Variants in PRKCB observed in about 807,000 individuals in gnomAD.
The protein encoded by PRKCB is protein kinase C beta.
In PRKCB, 13 loss-of-function variants were observed where a neutral mutation model predicts 81.5. That is an observed-to-expected ratio of 0.16 (90% CI 0.10 to 0.25). The LOEUF (loss-of-function observed/expected upper bound fraction) is 0.25, where lower values mean the gene tolerates loss of function less well. Among genes scored for constraint, PRKCB ranks in the 10% least tolerant of loss-of-function variants. The pLI, the probability that PRKCB is intolerant of heterozygous loss-of-function variation, is 1.00. For missense variants in PRKCB, 509 were observed against 875.7 expected (o/e 0.58, Z 5.29); for synonymous variants, 335 against 321.4 (o/e 1.04, Z -0.45).
chr16:23,888,839 T>C (rs566239840), intron 2 of PRKCB, among the ~76,000 whole-genome samples: 1 of 152,102 alleles, frequency 6.6e-6, no homozygotes, highest in African/African-American at 2.4e-5. Context: ...CAAGCACACA[T>C]TATGTCTTAT....
At chr16:23,982,283 C>T (rs1596497781) in intron 2 of PRKCB, among the ~76,000 whole-genome samples, 2 of 87,268 alleles carry the variant, frequency 2.3e-5, no homozygotes, top group African/African-American at 9.2e-5. Flanking sequence ...TTTCCCTTCT[C>T]CTTCCCTTCC....
At chr16:24,185,355 G>T in intron 14 of PRKCB, 105 bp from the exon 15 acceptor site, 1 of 1,235,030 alleles carries the variant, frequency 8.1e-7, no homozygotes, top group Non-Finnish European at 1.2e-6. Flanking sequence ...GCCTGGGTGT[G>T]TGGCTTCACT....
At chr16:23,971,667 G>A (rs961340540) in intron 2 of PRKCB, among the ~76,000 whole-genome samples, 3 of 152,062 alleles carry the variant, frequency 2.0e-5, no homozygotes, top group East Asian at 1.9e-4. Flanking sequence ...CATCTCTCAG[G>A]GTTTCCTCTC....
At chr16:23,886,939 T>C (rs978309840) in intron 2 of PRKCB, among the ~76,000 whole-genome samples, 3 of 152,122 alleles carry the variant, frequency 2.0e-5, no homozygotes, top group Non-Finnish European at 2.9e-5. Context: ...GGAAAGGAAG[T>C]TCTCTTTTCT....
chr16:23,942,716 A>G lies in PRKCB; in HGVS notation c.206-45792A>G, dbSNP rs572652939. Among the ~76,000 whole-genome samples, 113 of 152,292 alleles carry G rather than the reference A, an allele frequency of 7.4e-4. 1 individual carries two copies. The highest frequency in any genetic ancestry group is 1.3e-3 in the Non-Finnish European group (90 of 68,012). ...GAAAGCATGTCAACAACTGCTTGTT[A>G]AAAGTTAGTTACCTTTCTGCTTCCT... On this transcript the variant is annotated intron_variant, in intron 2 of 16. Transcript: ENST00000643927.
chr16:23,946,861 C>CTTTGTCTT (rs1555486662), intron 2 of PRKCB, among the ~76,000 whole-genome samples: 1 of 146,868 alleles, frequency 6.8e-6, no homozygotes, highest in Non-Finnish European at 1.5e-5. Flanking sequence ...TTGTCTTTGT[C>CTTTGTCTT]TTTTTTTTTT....
intron 8 of PRKCB, among the ~76,000 whole-genome samples, chr16:24,115,868 G>A (rs539320657): frequency 1.2e-4 from 19 of 152,220 alleles, no homozygotes; most frequent in African/African-American, 4.3e-4. Flanking sequence ...TGGGACTACA[G>A]GTGCCCACCA....
intron 5 of PRKCB, among the ~76,000 whole-genome samples, chr16:24,070,147 AT>A (rs761693030): frequency 0.022 from 3,015 of 134,850 alleles, 31 homozygotes; most frequent in Middle Eastern, 0.045. Context: ...AAACCAGGGG[AT>A]TTTTTTTTTT....
chr16:24,185,039 GA>G, intron 13 of PRKCB, 71 bp from the exon 14 acceptor site: 1 of 1,279,298 alleles, frequency 7.8e-7, no homozygotes, highest in South Asian at 1.2e-5. Flanking sequence ...TCTTGTAAAA[GA>G]AGAGTGAAAT....
At chr16:24,021,714 A>C (rs1965407065) in intron 3 of PRKCB, among the ~76,000 whole-genome samples, 1 of 151,924 alleles carries the variant, frequency 6.6e-6, no homozygotes, top group Admixed American at 6.6e-5. Flanking sequence ...TGGCTCTCCC[A>C]TGTCCTTGCT....
intron 2 of PRKCB, among the ~76,000 whole-genome samples, chr16:23,843,725 G>A (rs1962308266): frequency 7.2e-6 from 1 of 139,814 alleles, no homozygotes; most frequent in Non-Finnish European, 1.5e-5. Flanking sequence ...TTATTTCCAA[G>A]CACTAATGAT....
At chr16:24,178,258 G>A (rs950029113) in intron 12 of PRKCB, among the ~76,000 whole-genome samples, 2 of 152,266 alleles carry the variant, frequency 1.3e-5, no homozygotes, top group South Asian at 4.1e-4. Context: ...AATGTGTGTT[G>A]GTTTTGCCCT....
At chr16:24,041,169 C>T (rs112643855) in intron 5 of PRKCB, among the ~76,000 whole-genome samples, 47 of 152,068 alleles carry the variant, frequency 3.1e-4, no homozygotes, top group African/African-American at 1.1e-3. Flanking sequence ...CCTGCCTCAG[C>T]CTCCCGAGTA....
intron 5 of PRKCB, among the ~76,000 whole-genome samples, chr16:24,037,765 C>T (rs919621072): frequency 6.6e-6 from 1 of 151,876 alleles, no homozygotes; most frequent in Non-Finnish European, 1.5e-5. Context: ...GGATCACAAG[C>T]CCCCGCTTCT....
intron 15 of PRKCB, among the ~76,000 whole-genome samples, chr16:24,190,511 T>C (rs1317996033): frequency 6.7e-6 from 1 of 150,172 alleles, no homozygotes; most frequent in African/African-American, 2.5e-5. Context: ...TTTTTGGTTG[T>C]TTTTTTGGTT....
intron 5 of PRKCB, among the ~76,000 whole-genome samples, chr16:24,079,447 A>G (rs1048880517): frequency 6.6e-6 from 1 of 152,156 alleles, no homozygotes; most frequent in African/African-American, 2.4e-5. Flanking sequence ...CTTTTACACA[A>G]TGATTTCTTT....
At chr16:23,986,541 C>T (rs1964806445) in intron 2 of PRKCB, among the ~76,000 whole-genome samples, 1 of 152,160 alleles carries the variant, frequency 6.6e-6, no homozygotes, top group Non-Finnish European at 1.5e-5. Context: ...TGTGAGCCAC[C>T]ACACCCGGTT....
chr16:24,033,081 G>A (rs1019757097), intron 4 of PRKCB, among the ~76,000 whole-genome samples: 2 of 152,206 alleles, frequency 1.3e-5, no homozygotes, highest in Non-Finnish European at 1.5e-5. Context: ...CGGATGGCCT[G>A]TGGGGCAGGG....
intron 13 of PRKCB, among the ~76,000 whole-genome samples, chr16:24,181,955 A>T (rs984813861): frequency 2.0e-5 from 3 of 152,074 alleles, no homozygotes; most frequent in Admixed American, 6.6e-5. Flanking sequence ...TGTAAAGAGA[A>T]ATTTAGCTAT....
Sources: gnomAD v4.1 joint callset for allele counts (sites outside exome capture counted in the v4.1 genomes callset) on GRCh38, gnomAD v4.1.1 for gene constraint, MANE v1.5 for transcripts, NCBI Gene and HGNC (gene_info 2026-07-23, HGNC 2026-07-21) for gene names.